The following RASGRF1 variants were observed in gnomAD, a reference collection of about 807,000 sequenced individuals.
The protein encoded by RASGRF1 is Ras protein specific guanine nucleotide releasing factor 1.
RASGRF1 carries 40 observed loss-of-function variants against 138.7 expected under a neutral mutation model. That is an observed-to-expected ratio of 0.29 (90% CI 0.22 to 0.38). The LOEUF is 0.38. Ranked by LOEUF, RASGRF1 falls within the 10% of genes least tolerant of loss-of-function variation. The pLI, the probability that RASGRF1 is intolerant of heterozygous loss-of-function variation, is 1.00. For synonymous variants in RASGRF1, 614 were observed against 663.2 expected (o/e 0.93, Z 1.14); for missense variants, 1,108 against 1,650.4 (o/e 0.67, Z 5.69).
At chr15:78,992,610 C>T (rs963752086) in intron 20 of RASGRF1, among the ~76,000 whole-genome samples, 3 of 152,148 alleles carry the variant, frequency 2.0e-5, no homozygotes, top group Admixed American at 6.5e-5. Context: ...AACAAGAATC[C>T]TCCCCCATCA....
intron 12 of RASGRF1, among the ~76,000 whole-genome samples, 160 bp downstream of exon 12, chr15:79,017,610 C>G (rs12913701): frequency 0.022 from 3,285 of 152,266 alleles, 53 homozygotes; most frequent in Non-Finnish European, 0.035. Flanking sequence ...CTGAGCTCAG[C>G]TTTGGGTAGG....
intron 23 of RASGRF1, among the ~76,000 whole-genome samples, chr15:78,982,257 C>T (rs763602285): frequency 6.6e-6 from 1 of 152,174 alleles, no homozygotes; most frequent in Non-Finnish European, 1.5e-5. Context: ...GAAGTGTCAC[C>T]GTACTCTGAG....
intron 1 of RASGRF1, among the ~76,000 whole-genome samples, chr15:79,067,604 C>T (rs2057697119): frequency 6.6e-6 from 1 of 152,148 alleles, no homozygotes; most frequent in African/African-American, 2.4e-5. Flanking sequence ...CGTAAACCTG[C>T]CCCCTGACAT....
At chr15:78,963,756 T>C (rs1161095860) in intron 26 of RASGRF1, among the ~76,000 whole-genome samples, 4 of 152,212 alleles carry the variant, frequency 2.6e-5, no homozygotes, top group Non-Finnish European at 4.4e-5. Context: ...GTGATTACTA[T>C]GTCTGATTAG....
At chr15:79,004,800 C>G in intron 14 of RASGRF1, 1 of 985,546 alleles carries the variant, frequency 1.0e-6, no homozygotes, top group African/African-American at 1.7e-5. Context: ...CTTGTCTCAT[C>G]GAGGCTGTCT....
chr15:79,058,401 G>C lies in RASGRF1; in HGVS notation c.464C>G (p.Thr155Ser). 1 of 1,614,178 alleles carries C rather than the reference G, an allele frequency of 6.2e-7. No individual in the cohort carries two copies. The highest frequency in any genetic ancestry group is 8.5e-7 in the Non-Finnish European group (1 of 1,180,038). ...CTGCTGCCGAAGCTGCTTGGCCACG[G>C]TCTTCTCTGTCTCCACGATCTGCAG... ...HLLQIVETEK[T>S]VAKQLRQQIE... The change falls in exon 3 of 27, where the codon ACC becomes AGC. Residue 155 changes from threonine to serine, a missense_variant. Around this residue, in one of 3 missense-constraint regions of RASGRF1, gnomAD observed 253 missense variants for 329.5 expected, o/e 0.77. Transcript: ENST00000558480.
At chr15:79,055,894 G>A (rs2057503963) in intron 3 of RASGRF1, among the ~76,000 whole-genome samples, 1 of 152,148 alleles carries the variant, frequency 6.6e-6, no homozygotes, top group Non-Finnish European at 1.5e-5. Flanking sequence ...CCCTTGCTGA[G>A]TACCTACTGT....
At chr15:79,068,948 G>C (rs777549737) in intron 1 of RASGRF1, among the ~76,000 whole-genome samples, 2 of 152,124 alleles carry the variant, frequency 1.3e-5, no homozygotes, top group Non-Finnish European at 1.5e-5. Flanking sequence ...CAGAGATTCA[G>C]GTCTCAGGGA....
In RASGRF1 at chr15:79,048,866, C is replaced by T. The variant is rs1416294830; in HGVS notation, c.624+630G>A. ...TTTTTCTTAGGGTGAGTCAGGCTCCCCTGTCTTGAGTCTGGCAAGCTACAA... is the reference window on the plus strand; with the variant it reads ...TTTTTCTTAGGGTGAGTCAGGCTCCTCTGTCTTGAGTCTGGCAAGCTACAA... On this transcript the variant is annotated intron_variant, in intron 4 of 26. Coordinates refer to ENST00000558480, the MANE Select transcript of RASGRF1 (RefSeq NM_001145648.3). Among the ~76,000 whole-genome samples, 6 of 152,192 alleles carry T rather than the reference C, an allele frequency of 3.9e-5. No homozygotes were observed. The East Asian group carries it at 5.8e-4, about 15-fold the overall frequency.
At chr15:78,963,307 CT>C (rs533139771) in intron 26 of RASGRF1, among the ~76,000 whole-genome samples, 115 of 146,210 alleles carry the variant, frequency 7.9e-4, no homozygotes, top group Admixed American at 9.6e-4. Flanking sequence ...AAAAAATTTT[CT>C]TTTTTTTTTT....
At chr15:79,085,302 G>A (rs1033042447) in intron 1 of RASGRF1, among the ~76,000 whole-genome samples, 1 of 152,200 alleles carries the variant, frequency 6.6e-6, no homozygotes, top group Admixed American at 6.5e-5. Context: ...TAGGAAAGGG[G>A]AGGCACATGC....
chr15:79,039,125 C>G (rs564756344), intron 5 of RASGRF1, among the ~76,000 whole-genome samples: 1 of 148,172 alleles, frequency 6.7e-6, no homozygotes, highest in East Asian at 1.9e-4. Context: ...TATAGGGAGA[C>G]CCCGTCTCTA....
intron 5 of RASGRF1, among the ~76,000 whole-genome samples, chr15:79,045,692 A>C (rs900408308): frequency 5.9e-5 from 9 of 152,026 alleles, no homozygotes; most frequent in Non-Finnish European, 1.3e-4. Flanking sequence ...TGAGCCTCAG[A>C]CTCATGTCTG....
In RASGRF1 at chr15:79,015,429, C is replaced by A; in HGVS notation, c.1744-20G>T. ...CACACACTGGAATCAGAGAGAGGAC[C>A]CCAGGGTCAGAGCTCTCCATTCCTG... On this transcript the variant is annotated intron_variant, in intron 12 of 26. Transcript: ENST00000558480. 6.2e-7 allele frequency: 1 copy of A among 1,603,706 alleles called. No individual in the cohort carries two copies. The highest frequency in any genetic ancestry group is 8.5e-7 in the Non-Finnish European group (1 of 1,170,586).
At chr15:78,980,209 T>C (rs561895651) in intron 24 of RASGRF1, 98 of 155,624 alleles carry the variant, frequency 6.3e-4, no homozygotes, top group Non-Finnish European at 1.2e-3. Context: ...AATGCAAACA[T>C]TTTGATGATG....
At chr15:78,971,797 A>C in intron 26 of RASGRF1, 69 bp downstream of exon 26, 1 of 1,381,340 alleles carries the variant, frequency 7.2e-7, no homozygotes, top group Non-Finnish European at 1.0e-6. Context: ...TGGAGGGGAC[A>C]GGGTGGAAGG....
At chr15:79,057,227 G>C (rs1482832956) in intron 3 of RASGRF1, among the ~76,000 whole-genome samples, 1 of 150,970 alleles carries the variant, frequency 6.6e-6, no homozygotes, top group African/African-American at 2.5e-5. Flanking sequence ...CATCCCTGCT[G>C]CAGGCTGGCA....
At chr15:79,049,452 AAG>A in intron 4 of RASGRF1, 42 bp downstream of exon 4, 2 of 1,574,356 alleles carry the variant, frequency 1.3e-6, no homozygotes, top group Non-Finnish European at 1.7e-6. Context: ...TGGCTCTCTA[AAG>A]AGAGAGCTCC....
intron 22 of RASGRF1, among the ~76,000 whole-genome samples, chr15:78,987,983 A>G (rs879535388): frequency 6.6e-6 from 1 of 152,260 alleles, no homozygotes; most frequent in African/African-American, 2.4e-5. Context: ...ACCAGAAAAC[A>G]GCAAATAGAA....
Sources: gnomAD v4.1 joint callset for allele counts (sites outside exome capture counted in the v4.1 genomes callset) on GRCh38, gnomAD v4.1.1 for gene constraint, gnomAD v4.1.1 regional missense constraint, MANE v1.5 for transcripts, NCBI Gene and HGNC (gene_info 2026-07-23, HGNC 2026-07-21) for gene names.